ACSS2: variants seen among roughly 807,000 people sequenced by gnomAD.
ACSS2 encodes acyl-CoA synthetase short chain family member 2, also known as acetyl-coenzyme A synthetase, cytoplasmic.
Under a neutral mutation model 90.6 loss-of-function variants are expected in ACSS2, and 58 were observed. The observed-to-expected ratio is 0.64, with a 90% CI of 0.52 to 0.80. The LOEUF (loss-of-function observed/expected upper bound fraction) is 0.80, where lower values mean the gene tolerates loss of function less well. Among genes scored for constraint, ACSS2 ranks in the 30% least tolerant of loss-of-function variants. ACSS2 has a pLI of 0.00. For synonymous variants in ACSS2, 300 were observed against 330.9 expected (o/e 0.91, Z 1.01); for missense variants, 759 against 912.0 (o/e 0.83, Z 2.16).
chr20:34,913,879 C>T (rs2081019772), intron 5 of ACSS2, 54 bp downstream of exon 5: 2 of 1,550,848 alleles, frequency 1.3e-6, no homozygotes, highest in African/African-American at 2.7e-5. Flanking sequence ...AAGCCTTGGT[C>T]TCCAATCAGC....
chr20:34,901,242 G>C (rs182847879), intron 2 of ACSS2, among the ~76,000 whole-genome samples: 1 of 152,128 alleles, frequency 6.6e-6, no homozygotes, highest in Non-Finnish European at 1.5e-5. Context: ...ATCCTCTTCT[G>C]GAATTCTTTC....
At chr20:34,894,546 T>C (rs1214211204) in intron 2 of ACSS2, among the ~76,000 whole-genome samples, 1 of 151,996 alleles carries the variant, frequency 6.6e-6, no homozygotes, top group Non-Finnish European at 1.5e-5. Flanking sequence ...ATGCCTGTGG[T>C]CCCAGATATT....
intron 2 of ACSS2, among the ~76,000 whole-genome samples, chr20:34,896,185 C>T (rs554978771): frequency 1.6e-4 from 25 of 152,312 alleles, no homozygotes; most frequent in East Asian, 1.3e-3. Flanking sequence ...ACCAAAGCCA[C>T]TTTGGCCAAG....
upstream of ACSS2, among the ~76,000 whole-genome samples, chr20:34,875,548 G>A (rs139140548): frequency 9.0e-3 from 1,368 of 152,250 alleles, 28 homozygotes; most frequent in African/African-American, 0.031. Context: ...CAGCCTGGGC[G>A]ACAGAGCGAG....
At chr20:34,913,701 A>T in intron 4 of ACSS2, 52 bp from the exon 5 acceptor site, 1 of 1,549,804 alleles carries the variant, frequency 6.5e-7, no homozygotes, top group Non-Finnish European at 8.9e-7. Context: ...TTCTTCATTC[A>T]CTCAATCCCT....
chr20:34,925,865 G>T, intron 15 of ACSS2, 99 bp downstream of exon 15: 1 of 1,360,260 alleles, frequency 7.4e-7, no homozygotes, highest in Non-Finnish European at 1.0e-6. Flanking sequence ...CCTTTGGCCA[G>T]ACCATGTACT....
At chr20:34,914,528 A>T (rs190554282) in intron 7 of ACSS2, 91 bp downstream of exon 7, 3 of 1,132,850 alleles carry the variant, frequency 2.6e-6, no homozygotes, top group East Asian at 2.6e-5. Flanking sequence ...TTGCCTGCTC[A>T]TCAGTATACT....
intron 15 of ACSS2, 61 bp downstream of exon 15, chr20:34,925,827 G>A (rs771050050): frequency 5.8e-6 from 9 of 1,560,570 alleles, no homozygotes; most frequent in African/African-American, 2.7e-5. Context: ...ACACCCAGCC[G>A]AAGCCTTCCG....
chr20:34,893,209 C>G (rs909109923), intron 2 of ACSS2, among the ~76,000 whole-genome samples: 3 of 151,842 alleles, frequency 2.0e-5, no homozygotes, highest in Non-Finnish European at 4.4e-5. Flanking sequence ...TCATTTCCTT[C>G]CCTTTCCTTC....
intron 7 of ACSS2, among the ~76,000 whole-genome samples, chr20:34,914,954 T>C (rs995514747): frequency 3.3e-5 from 5 of 152,140 alleles, no homozygotes; most frequent in African/African-American, 1.2e-4. Context: ...ATCAAAGTTC[T>C]GGGGTTGAGT....
chr20:34,915,185 C>G (rs2081051525), intron 7 of ACSS2: 1 of 1,613,480 alleles, frequency 6.2e-7, no homozygotes, highest in African/African-American at 1.3e-5. Context: ...TTGGACCCTC[C>G]TCACTACCCT....
intron 2 of ACSS2, among the ~76,000 whole-genome samples, chr20:34,887,127 T>C (rs2080215123): frequency 6.6e-6 from 1 of 152,244 alleles, no homozygotes; most frequent in Admixed American, 6.5e-5. Flanking sequence ...TTAGAGTCCA[T>C]CTAGGCCAAC....
intron 2 of ACSS2, among the ~76,000 whole-genome samples, chr20:34,898,191 A>T (rs1405796678): frequency 6.6e-6 from 1 of 152,168 alleles, no homozygotes; most frequent in Non-Finnish European, 1.5e-5. Flanking sequence ...AGAGCAAAAG[A>T]ACAAAGCTTC....
rs1367073753 is a variant in ACSS2 at position 34,876,750 on chromosome 20, C to A, written c.105C>A (p.Val35=). ...GGAGTTGGTCTCCGCCGCCCGAGGTCAGCCGCTCCGCGCACGTCCCCTCGC... is the reference window on the plus strand; with the variant it reads ...GGAGTTGGTCTCCGCCGCCCGAGGTAAGCCGCTCCGCGCACGTCCCCTCGC... ...RARSWSPPPE[V]SRSAHVPSLQ... is the part of the protein sequence containing the mutation. Residue 35 remains valine (V), a synonymous_variant, in exon 1 of 18, where the codon GTC becomes GTA. Coordinates refer to ENST00000360596, the MANE Select transcript of ACSS2 (RefSeq NM_018677.4). 5.6e-6 allele frequency: 8 copies of A among 1,434,534 alleles called. No homozygotes were observed. Among genetic ancestry groups the A allele is most frequent in the East Asian group, 3.1e-5 (1 of 32,772 alleles). The allele number at this position is 1,434,534 out of a possible 1,614,324, so 88.9% of individuals were successfully genotyped here.
chr20:34,888,220 C>T (rs1195937306), intron 2 of ACSS2, among the ~76,000 whole-genome samples: 4 of 151,904 alleles, frequency 2.6e-5, no homozygotes, highest in Non-Finnish European at 5.9e-5. Flanking sequence ...TCAGACTAAC[C>T]CAGTTTGAGT....
intron 7 of ACSS2, among the ~76,000 whole-genome samples, chr20:34,915,584 A>C (rs1309360304): frequency 6.6e-6 from 1 of 152,104 alleles, no homozygotes; most frequent in Non-Finnish European, 1.5e-5. Context: ...GCCGAGAGAC[A>C]GGAGGAGGAG....
At chr20:34,908,505 A>C (rs1601341940) in intron 2 of ACSS2, among the ~76,000 whole-genome samples, 4 of 152,266 alleles carry the variant, frequency 2.6e-5, no homozygotes, top group Admixed American at 2.6e-4. Flanking sequence ...ACCTCTCCAG[A>C]GAGAGGCCTT....
In ACSS2 at chr20:34,902,023, G is replaced by C. The variant is rs564755666; in HGVS notation, c.375-11073G>C. 7.9e-5 allele frequency among the ~76,000 whole-genome samples: 12 copies of C among 152,160 alleles called. No individual in the cohort carries two copies. In the South Asian group the frequency reaches 1.7e-3, roughly 21 times the overall value. On this transcript the variant is annotated intron_variant, in intron 2 of 17. Transcript: ENST00000360596. ...CTTCCATCTTTGGACATCTCTAACAGAAAGGTTTTTTTTTTAATATGGAGC... is the reference window on the plus strand; with the variant it reads ...CTTCCATCTTTGGACATCTCTAACACAAAGGTTTTTTTTTTAATATGGAGC...
intron 1 of ACSS2, among the ~76,000 whole-genome samples, chr20:34,878,533 A>G (rs2079982369): frequency 6.6e-6 from 1 of 152,242 alleles, no homozygotes; most frequent in Admixed American, 6.5e-5. Context: ...TTAGTCTGAT[A>G]CAATATAAAT....
Sources: gnomAD v4.1 joint callset for allele counts (sites outside exome capture counted in the v4.1 genomes callset) on GRCh38, gnomAD v4.1.1 for gene constraint, MANE v1.5 for transcripts, NCBI Gene and HGNC (gene_info 2026-07-23, HGNC 2026-07-21) for gene names.